Variants in GABPB2 observed in about 807,000 individuals in gnomAD.
GABPB2 encodes GA-binding protein subunit beta-2.
Under a neutral mutation model 39.1 loss-of-function variants are expected in GABPB2, and 23 were observed. The observed-to-expected ratio is 0.59, with a 90% CI of 0.42 to 0.83. The LOEUF is 0.83. GABPB2 is among the 40% of genes least tolerant of loss of function. The pLI is 0.00. For synonymous variants in GABPB2, 184 were observed against 199.3 expected (o/e 0.92, Z 0.65); for missense variants, 467 against 541.1 (o/e 0.86, Z 1.36).
At chr1:151,115,739 A>T (rs1680815799) in intron 7 of GABPB2, among the ~76,000 whole-genome samples, 1 of 152,136 alleles carries the variant, frequency 6.6e-6, no homozygotes, top group Non-Finnish European at 1.5e-5. Flanking sequence ...ACCATTTTAC[A>T]TTCCCACCAG....
rs1052136383 is a variant in GABPB2, at chr1:151,092,167, C to T, written c.277-1025C>T. Among the ~76,000 whole-genome samples, 8 of 141,536 alleles carry T rather than the reference C, an allele frequency of 5.7e-5. No individual in the cohort carries two copies. In the South Asian group the frequency reaches 1.5e-3, roughly 27 times the overall value. 92.9% of individuals were successfully genotyped at this position (141,536 alleles called of 152,430 possible). A position where few individuals can be genotyped will look rare whatever the true frequency, so the allele number is the denominator to read the frequency against. On this transcript the variant is annotated intron_variant, in intron 3 of 8. Coordinates refer to ENST00000368918, the MANE Select transcript of GABPB2 (RefSeq NM_144618.3). ...CTGTCGCCAGGCTGGAGTGCAGTGG[C>T]GCAATACTGGCTCACTGCAACCTCT...
chr1:151,094,654 A>G (rs1343464946), intron 4 of GABPB2, among the ~76,000 whole-genome samples: 3 of 146,376 alleles, frequency 2.0e-5, no homozygotes, highest in African/African-American at 7.5e-5. Context: ...TGGCCTGCCC[A>G]TTAATTTCTT....
intron 3 of GABPB2, among the ~76,000 whole-genome samples, chr1:151,090,865 G>T (rs1159734979): frequency 6.6e-6 from 1 of 151,772 alleles, no homozygotes; most frequent in African/African-American, 2.4e-5. Context: ...GGACGTGGTG[G>T]TGCGCGACTG....
At chr1:151,072,388 G>GA (rs201952251) in intron 1 of GABPB2, among the ~76,000 whole-genome samples, 4 of 151,194 alleles carry the variant, frequency 2.6e-5, no homozygotes, top group Middle Eastern at 3.2e-3. Context: ...TCGGTACAGA[G>GA]AAAAAAAAAT....
chr1:151,084,923 C>CT lies in GABPB2; in HGVS notation c.1-3266dup, dbSNP rs1173604106. 2.0e-5 allele frequency among the ~76,000 whole-genome samples: 3 copies of CT among 152,084 alleles called. No homozygotes were observed. The East Asian group carries it at 5.8e-4, about 29-fold the overall frequency. On this transcript the variant is annotated intron_variant, in intron 1 of 8. Transcript: ENST00000368918. ...TCATATAAAAGTGATGTTGCAGACT[C>CT]TGTCTCTACAAAAAATTTAAAAAAA...
intron 3 of GABPB2, among the ~76,000 whole-genome samples, chr1:151,092,565 TTTATTA>T (rs201700987): frequency 4.0e-5 from 6 of 149,448 alleles, no homozygotes; most frequent in Admixed American, 6.8e-5. Flanking sequence ...AGTTTTCCAA[TTTATTA>T]TTATTATTAT....
rs371428845 is a variant in GABPB2 at position 151,097,608 on chromosome 1, C to T, written c.472-244C>T. Among the ~76,000 whole-genome samples, 41 of 151,684 alleles carry T rather than the reference C, an allele frequency of 2.7e-4. No homozygotes were observed. The East Asian group carries it at 7.4e-3, about 27-fold the overall frequency. On this transcript the variant is annotated intron_variant, in intron 4 of 8. Transcript: ENST00000368918. ...ACCAACTTGGGCAACATGGCAAAACCCTCTACTAAAAATACAAAAAATTAG... is the reference window on the plus strand; with the variant it reads ...ACCAACTTGGGCAACATGGCAAAACTCTCTACTAAAAATACAAAAAATTAG...
intron 7 of GABPB2, 49 bp downstream of exon 7, chr1:151,107,271 C>T (rs769411329): frequency 8.1e-7 from 1 of 1,241,950 alleles, no homozygotes; most frequent in Non-Finnish European, 1.1e-6. Flanking sequence ...ATTTTAGATA[C>T]TCCATACTCA....
At chr1:151,091,478 A>C (rs1159411770) in intron 3 of GABPB2, among the ~76,000 whole-genome samples, 3 of 148,292 alleles carry the variant, frequency 2.0e-5, no homozygotes, top group East Asian at 3.9e-4. Context: ...AAAAAAAAAA[A>C]AAAAAAAAAA....
intron 1 of GABPB2, among the ~76,000 whole-genome samples, chr1:151,087,158 T>C (rs186015135): frequency 6.8e-4 from 103 of 151,920 alleles, no homozygotes; most frequent in African/African-American, 2.3e-3. Context: ...CCCAGCCAAT[T>C]TTTGTATTTT....
chr1:151,104,894 CTCTTTCTCTCTTTCTT>C (rs1365600220), intron 6 of GABPB2, among the ~76,000 whole-genome samples: 1 of 148,408 alleles, frequency 6.7e-6, no homozygotes, highest in African/African-American at 2.5e-5. Flanking sequence ...CTCTCTTTCT[CTCTTTCTCTCTTTCTT>C]TCTTTCCTTC....
chr1:151,079,199 G>A (rs908623489), intron 1 of GABPB2, among the ~76,000 whole-genome samples: 1 of 152,046 alleles, frequency 6.6e-6, no homozygotes, highest in Non-Finnish European at 1.5e-5. Flanking sequence ...GACAGATTTG[G>A]GTTGGTTGTC....
At chr1:151,090,670 T>A (rs1678594538) in intron 3 of GABPB2, 97 bp downstream of exon 3, 2 of 1,248,246 alleles carry the variant, frequency 1.6e-6, no homozygotes. Flanking sequence ...TTGGGAATGA[T>A]TAAGTTTAGG....
chr1:151,081,764 A>G (rs376823463), intron 1 of GABPB2, among the ~76,000 whole-genome samples: 1 of 151,868 alleles, frequency 6.6e-6, no homozygotes, highest in South Asian at 2.1e-4. Context: ...CCTCCCGAGT[A>G]GCTGAGACTG....
intron 6 of GABPB2, among the ~76,000 whole-genome samples, chr1:151,105,987 A>C (rs1270403823): frequency 6.7e-6 from 1 of 149,062 alleles, no homozygotes; most frequent in South Asian, 2.1e-4. Flanking sequence ...TTGAGATGGA[A>C]TCTCGCTCTT....
chr1:151,095,616 C>T (rs1021197492), intron 4 of GABPB2, among the ~76,000 whole-genome samples: 1 of 152,102 alleles, frequency 6.6e-6, no homozygotes, highest in Non-Finnish European at 1.5e-5. Flanking sequence ...CTCTGTGCTC[C>T]CATAGCACTT....
chr1:151,085,910 A>AT (rs1678148144), intron 1 of GABPB2, among the ~76,000 whole-genome samples: 1 of 152,046 alleles, frequency 6.6e-6, no homozygotes, highest in African/African-American at 2.4e-5. Flanking sequence ...TGGACAGATC[A>AT]TGCAGAATAG....
chr1:151,090,536 C>T lies in GABPB2; in HGVS notation c.239C>T (p.Ala80Val). 6.2e-7 allele frequency: 1 copy of T among 1,613,978 alleles called. No individual in the cohort carries two copies. The highest frequency in any genetic ancestry group is 8.5e-7 in the Non-Finnish European group (1 of 1,179,966). ...VDRTPLHMAA[A>V]DGHAHIVELL... ...AGGACCCCCTTGCACATGGCTGCAG[C>T]CGATGGACATGCGCACATCGTGGAA... Residue 80 changes from alanine to valine, a missense_variant, in exon 3 of 9, where the codon GCC becomes GTC. Physicochemically the swap from Ala to Val is moderately conservative, Grantham distance 64. Transcript: ENST00000368918.
At chr1:151,109,912 C>T (rs1255231200) in intron 7 of GABPB2, among the ~76,000 whole-genome samples, 2 of 151,162 alleles carry the variant, frequency 1.3e-5, no homozygotes, top group Non-Finnish European at 2.9e-5. Flanking sequence ...GATCTCGGCA[C>T]ACTGCAGTCT....
Sources: allele counts gnomAD v4.1 joint callset (sites outside exome capture counted in the v4.1 genomes callset), GRCh38; gene constraint gnomAD v4.1.1; transcripts MANE v1.5; gene names NCBI Gene and HGNC (gene_info 2026-07-23, HGNC 2026-07-21).